Variants in TACC2 observed in about 807,000 individuals in gnomAD.
TACC2 encodes the protein transforming acidic coiled-coil containing protein 2.
TACC2 carries 137 observed loss-of-function variants against 227.3 expected under a neutral mutation model. The observed-to-expected ratio is 0.60, with a 90% CI of 0.52 to 0.69. TACC2 has a LOEUF of 0.69. Ranked by LOEUF, TACC2 falls within the 30% of genes least tolerant of loss-of-function variation. TACC2 has a pLI of 0.00. For synonymous variants in TACC2, 1,523 were observed against 1,487.5 expected, an observed-to-expected ratio of 1.02 and a Z score of -0.55; for missense variants, 3,470 against 3,694.4, an observed-to-expected ratio of 0.94 and a Z score of 1.57.
chr10:122,102,012 G>A (rs527810217), intron 5 of TACC2, among the ~76,000 whole-genome samples: 71 of 152,136 alleles, frequency 4.7e-4, no homozygotes, highest in Non-Finnish European at 7.2e-4. Flanking sequence ...ATTGTTGGGC[G>A]ATTTCATCAT....
intron 22 of TACC2, among the ~76,000 whole-genome samples, chr10:122,250,977 T>C (rs2096244827): frequency 7.2e-6 from 1 of 138,846 alleles, no homozygotes; most frequent in Non-Finnish European, 1.5e-5. Context: ...TGGAGTGCAG[T>C]GGTGCAGTCA....
At chr10:122,160,375 G>T (rs764941125) in intron 7 of TACC2, among the ~76,000 whole-genome samples, 9 of 152,136 alleles carry the variant, frequency 5.9e-5, no homozygotes, top group Non-Finnish European at 1.0e-4. Context: ...GAGTAGTGGG[G>T]TTCCCTGGAT....
At chr10:122,066,555 C>T (rs2077414165) in intron 3 of TACC2, among the ~76,000 whole-genome samples, 1 of 152,220 alleles carries the variant, frequency 6.6e-6, no homozygotes, top group African/African-American at 2.4e-5. Context: ...GCGTGAGCCA[C>T]CGCGCCCAGC....
intron 5 of TACC2, among the ~76,000 whole-genome samples, chr10:122,131,760 G>A (rs1054298629): frequency 1.3e-5 from 2 of 152,130 alleles, no homozygotes. Context: ...GGTGGCTCAT[G>A]CCTGTAATCC....
At chr10:122,196,702 C>G (rs1163654554) in intron 8 of TACC2, among the ~76,000 whole-genome samples, 1 of 151,928 alleles carries the variant, frequency 6.6e-6, no homozygotes. Flanking sequence ...CTATTCTGGC[C>G]GAGGCGGGCA....
chr10:122,198,911 G>A (rs892003042), intron 8 of TACC2, among the ~76,000 whole-genome samples: 3 of 152,234 alleles, frequency 2.0e-5, no homozygotes, highest in Non-Finnish European at 4.4e-5. Flanking sequence ...CGCCCCCGAG[G>A]CAAAGGATGG....
chr10:122,042,746 A>T (rs2074461393), intron 2 of TACC2, among the ~76,000 whole-genome samples: 1 of 152,212 alleles, frequency 6.6e-6, no homozygotes, highest in Non-Finnish European at 1.5e-5. Context: ...CGAGGTGTAG[A>T]ACCCAGAGAC....
chr10:122,019,141 C>T (rs112959327), intron 1 of TACC2, among the ~76,000 whole-genome samples: 32 of 152,304 alleles, frequency 2.1e-4, no homozygotes, highest in African/African-American at 7.5e-4. Context: ...TCTGCCCCAC[C>T]GGAGGTCCAC....
intron 9 of TACC2, chr10:122,213,480 T>G: frequency 1.6e-6 from 2 of 1,214,226 alleles, no homozygotes; most frequent in South Asian, 2.4e-5. Flanking sequence ...TGGCTGCTAC[T>G]GATGTGTTTC....
At chr10:122,031,556 C>T (rs1034833561) in intron 2 of TACC2, among the ~76,000 whole-genome samples, 1 of 151,566 alleles carries the variant, frequency 6.6e-6, no homozygotes, top group Non-Finnish European at 1.5e-5. Flanking sequence ...AGGCGCCCAC[C>T]ACTGCGCCCG....
intron 5 of TACC2, among the ~76,000 whole-genome samples, chr10:122,126,195 A>C (rs1362918048): frequency 6.6e-6 from 1 of 152,202 alleles, no homozygotes; most frequent in Non-Finnish European, 1.5e-5. Flanking sequence ...TACATGGACT[A>C]ACTAGCTGGC....
At chr10:122,055,112 C>A (rs895947869) in intron 3 of TACC2, among the ~76,000 whole-genome samples, 1 of 152,042 alleles carries the variant, frequency 6.6e-6, no homozygotes, top group African/African-American at 2.4e-5. Context: ...CCCAGCTACT[C>A]TGGAGGCTGA....
At chr10:122,218,227 G>GC (rs1405731903) in intron 11 of TACC2, among the ~76,000 whole-genome samples, 1 of 152,206 alleles carries the variant, frequency 6.6e-6, no homozygotes, top group African/African-American at 2.4e-5. Flanking sequence ...ACACGTGTGA[G>GC]CCACCGCGCC....
In TACC2 at chr10:122,083,047, G is replaced by T. The variant is rs199693945; in HGVS notation, c.547G>T (p.Gly183Ter). ...AAGAGAGAGACAGCCGAAGGAAGAA[G>T]GACAGAAGTCCTCCTTCTCCTTCTC... is the stretch of plus-strand genomic sequence containing the variant. ...AGRERQPKEEGQKSSFSFSSG... is the reference protein window; with the variant it reads ...AGRERQPKEE The change falls in exon 4 of 23, where the codon GGA becomes TGA. Residue 183 changes from glycine (G) to a stop codon, truncating the protein, a stop_gained. Coordinates refer to ENST00000369005, the MANE Select transcript of TACC2 (RefSeq NM_206862.4). LOFTEE classifies it high-confidence loss of function. The T allele has an allele frequency of 1.9e-6, 3 of 1,612,654 alleles. No homozygotes were observed. Among genetic ancestry groups the T allele is most frequent in the Non-Finnish European group, 2.5e-6 (3 of 1,180,010 alleles).
At chr10:122,215,743 G>C (rs908406317) in intron 10 of TACC2, among the ~76,000 whole-genome samples, 8 of 152,170 alleles carry the variant, frequency 5.3e-5, no homozygotes, top group African/African-American at 1.4e-4. Context: ...GAACTTCTAG[G>C]ACTGTCGAGA....
At position 122,086,574 on chromosome 10, in the gene TACC2, T is replaced by C. The variant is rs2137155266; in HGVS notation, c.4074T>C (p.Ser1358=). 1 of 1,601,102 alleles carries C rather than the reference T, an allele frequency of 6.2e-7. No homozygotes were observed. Among genetic ancestry groups the C allele is most frequent in the South Asian group, 1.1e-5 (1 of 87,998 alleles). ...ATAPGAGAKA[S]GEGMAGDAAG... Reference sequence around the variant, plus strand: ...CTCCAGGTGCAGGTGCCAAGGCCAGTGGGGAGGGCATGGCAGGTGATGCAG... The same window carrying C: ...CTCCAGGTGCAGGTGCCAAGGCCAGCGGGGAGGGCATGGCAGGTGATGCAG... Residue 1358 remains serine, a synonymous_variant, in exon 4 of 23, where the codon AGT becomes AGC. Coordinates refer to ENST00000369005, the MANE Select transcript of TACC2 (RefSeq NM_206862.4).
intron 1 of TACC2, among the ~76,000 whole-genome samples, chr10:121,995,667 C>T (rs1378143159): frequency 6.6e-6 from 1 of 152,194 alleles, no homozygotes; most frequent in African/African-American, 2.4e-5. Context: ...CTGCTGCCGT[C>T]TCAGGAAGCT....
chr10:122,087,333 A>G lies in TACC2; in HGVS notation c.4833A>G (p.Gly1611=). 6.2e-7 allele frequency: 1 copy of G among 1,614,046 alleles called. No individual in the cohort carries two copies. The highest frequency in any genetic ancestry group is 8.5e-7 in the Non-Finnish European group (1 of 1,180,032). ...QETSACDSPH[G]EDGPGDFAHT... ...CATCTGCCTGCGACAGTCCACATGG[A>G]GAAGATGGTCCCGGGGACTTTGCTC... is the stretch of plus-strand genomic sequence containing the variant. Residue 1611 remains glycine, a synonymous_variant, in exon 4 of 23, where the codon GGA becomes GGG. Transcript: ENST00000369005.
At chr10:122,007,655 C>G (rs376733920) in intron 1 of TACC2, among the ~76,000 whole-genome samples, 1 of 152,128 alleles carries the variant, frequency 6.6e-6, no homozygotes, top group African/African-American at 2.4e-5. Context: ...AGTTCAAGAA[C>G]GTTTCTGAGT....
Sources: gnomAD v4.1 joint callset for allele counts (sites outside exome capture counted in the v4.1 genomes callset) on GRCh38, gnomAD v4.1.1 for gene constraint, MANE v1.5 for transcripts, NCBI Gene and HGNC (gene_info 2026-07-23, HGNC 2026-07-21) for gene names.